Variants in SMARCAD1 observed in about 807,000 individuals in gnomAD.
SMARCAD1 encodes the protein SNF2 related chromatin remodeling ATPase with DExD box 1, also known as SWI/SNF-related matrix-associated actin-dependent regulator of chromatin subfamily A containing DEAD/H box 1.
A neutral mutation model predicts 127.1 loss-of-function variants in SMARCAD1; 25 were observed. The ratio of observed to expected loss-of-function variants is 0.20; its 90% CI spans 0.14 to 0.27. The LOEUF (loss-of-function observed/expected upper bound fraction) is 0.27, where lower values mean the gene tolerates loss of function less well. Among genes scored for constraint, SMARCAD1 ranks in the 10% least tolerant of loss-of-function variants. The pLI is 1.00. For synonymous variants in SMARCAD1, 400 were observed against 396.9 expected (o/e 1.01, Z -0.09); for missense variants, 807 against 1,206.0 (o/e 0.67, Z 4.90).
intron 4 of SMARCAD1, among the ~76,000 whole-genome samples, chr4:94,235,513 TG>T (rs35900615): frequency 0.26 from 39,438 of 151,796 alleles, 6,402 homozygotes; most frequent in Non-Finnish European, 0.36. Flanking sequence ...ATTTTTGACA[TG>T]AATCCACTGG....
At position 94,240,930 on chromosome 4, in the gene SMARCAD1, TATC is replaced by T. The variant is rs761822006; in HGVS notation, c.630_632del (p.Leu210_Ser211delinsPhe). The T allele has an allele frequency of 1.2e-6, 2 of 1,613,502 alleles. No homozygotes were observed. The highest frequency in any genetic ancestry group is 8.5e-7 in the Non-Finnish European group (1 of 1,179,616). On this transcript the variant is annotated inframe_deletion, in exon 6 of 24. Coordinates refer to ENST00000354268, the MANE Select transcript of SMARCAD1 (RefSeq NM_020159.5). The stretch of plus-strand genomic sequence containing the variant: ...GGTGGTGGGCCCAGGAAAAGAAAAT[TATC>T]TTCTTCTTCAGAGCCATATGAGGAA...
intron 4 of SMARCAD1, among the ~76,000 whole-genome samples, chr4:94,236,287 A>G (rs1392816452): frequency 6.6e-6 from 1 of 152,216 alleles, no homozygotes; most frequent in Non-Finnish European, 1.5e-5. Flanking sequence ...GGAAGCTATA[A>G]TAGGAGAAAA....
intron 10 of SMARCAD1, among the ~76,000 whole-genome samples, chr4:94,265,508 C>CAA (rs1005914838): frequency 6.9e-6 from 1 of 145,610 alleles, no homozygotes; most frequent in African/African-American, 2.5e-5. Flanking sequence ...AGAATTCATG[C>CAA]AAAAAAAAAA....
chr4:94,242,368 C>T (rs1747726484), intron 6 of SMARCAD1, among the ~76,000 whole-genome samples: 1 of 152,022 alleles, frequency 6.6e-6, no homozygotes, highest in South Asian at 2.1e-4. Flanking sequence ...AACTTATATT[C>T]TGAGATGTTC....
At chr4:94,265,325 A>G (rs1411907309) in intron 10 of SMARCAD1, among the ~76,000 whole-genome samples, 2 of 152,002 alleles carry the variant, frequency 1.3e-5, no homozygotes, top group East Asian at 1.9e-4. Flanking sequence ...TCATAAATAA[A>G]ATGAAATGAT....
At chr4:94,262,913 A>AAAGAAAG (rs61464369) in intron 9 of SMARCAD1, among the ~76,000 whole-genome samples, 10 of 120,904 alleles carry the variant, frequency 8.3e-5, no homozygotes, top group East Asian at 8.2e-4. Context: ...AAAAAGAAAG[A>AAAGAAAG]AAAGAAATGG....
At chr4:94,245,599 A>G (rs1452980533) in intron 6 of SMARCAD1, among the ~76,000 whole-genome samples, 1 of 152,202 alleles carries the variant, frequency 6.6e-6, no homozygotes, top group African/African-American at 2.4e-5. Context: ...AAAAATTTCC[A>G]TTCATTTTCA....
At chr4:94,221,431 G>T (rs577750662) in intron 2 of SMARCAD1, among the ~76,000 whole-genome samples, 13 of 152,188 alleles carry the variant, frequency 8.5e-5, no homozygotes, top group African/African-American at 2.9e-4. Context: ...GTCAAGTTTG[G>T]GTTTAGTATC....
At chr4:94,224,694 G>A (rs940490108) in intron 2 of SMARCAD1, among the ~76,000 whole-genome samples, 1 of 152,188 alleles carries the variant, frequency 6.6e-6, no homozygotes, top group African/African-American at 2.4e-5. Context: ...ACGATTTAAT[G>A]GAGGTGGCTA....
chr4:94,266,583 T>C (rs1448404476), intron 10 of SMARCAD1, among the ~76,000 whole-genome samples: 1 of 152,102 alleles, frequency 6.6e-6, no homozygotes, highest in Non-Finnish European at 1.5e-5. Flanking sequence ...AGGTAAGAGT[T>C]GCATAAGCAA....
chr4:94,243,336 T>C (rs1747894450), intron 6 of SMARCAD1, among the ~76,000 whole-genome samples: 1 of 152,230 alleles, frequency 6.6e-6, no homozygotes, highest in South Asian at 2.1e-4. Context: ...CTGAGACATC[T>C]GCACATGCAA....
At chr4:94,231,972 A>G (rs1473501491) in intron 3 of SMARCAD1, among the ~76,000 whole-genome samples, 1 of 151,834 alleles carries the variant, frequency 6.6e-6, no homozygotes, top group African/African-American at 2.4e-5. Flanking sequence ...GATGATTCTC[A>G]TGTCTCAGCC....
At chr4:94,208,748 C>T (rs1741680672) in intron 2 of SMARCAD1, among the ~76,000 whole-genome samples, 164 bp downstream of exon 2, 1 of 152,214 alleles carries the variant, frequency 6.6e-6, no homozygotes, top group Non-Finnish European at 1.5e-5. Context: ...CACCATGTAC[C>T]CTCAACTGAG....
At chr4:94,207,817 C>G (rs1308727820), upstream of SMARCAD1, 1 of 303,176 alleles carries the variant, frequency 3.3e-6, no homozygotes, top group Non-Finnish European at 6.5e-6. Flanking sequence ...TCTGAACCTT[C>G]CTGTGTGTTC....
intron 9 of SMARCAD1, 85 bp downstream of exon 9, chr4:94,253,092 A>G: frequency 1.3e-6 from 2 of 1,592,128 alleles, no homozygotes; most frequent in South Asian, 1.1e-5. Context: ...TCTTCAGCCC[A>G]GGTAAGCATA....
intron 2 of SMARCAD1, among the ~76,000 whole-genome samples, chr4:94,214,428 AT>A (rs35699441): frequency 5.7e-4 from 84 of 147,410 alleles, no homozygotes; most frequent in African/African-American, 7.2e-4. Context: ...CGCCGGGCTA[AT>A]TTTTTTTTTT....
chr4:94,275,796 C>CTTTTATTTTATTTTATTTTATTTTTTTT lies in SMARCAD1; in HGVS notation c.1809-539_1809-538insATTTTATTTTATTTTATTTTTTTTTTTT, dbSNP rs1553920714. 3.5e-5 allele frequency among the ~76,000 whole-genome samples: 3 copies of CTTTTATTTTATTTTATTTTATTTTTTTT among 85,412 alleles called. 1 individual carries two copies. Among genetic ancestry groups the CTTTTATTTTATTTTATTTTATTTTTTTT allele is most frequent in the Non-Finnish European group, 5.1e-5 (2 of 39,082 alleles). The allele number at this position is 85,412 out of a possible 152,430, so 56.0% of individuals were successfully genotyped here. A position where few individuals can be genotyped will look rare whatever the true frequency, so the allele number is the denominator to read the frequency against. ...TGTCCGATTGTAACATTAACATTTT[C>CTTTTATTTTATTTTATTTTATTTTTTTT]TTTTTTTTTTTTTTTTTTGAGACGG... On this transcript the variant is annotated intron_variant, in intron 14 of 23. Coordinates refer to ENST00000354268, the MANE Select transcript of SMARCAD1 (RefSeq NM_020159.5).
intron 16 of SMARCAD1, among the ~76,000 whole-genome samples, chr4:94,277,664 T>C (rs1399610820): frequency 6.6e-6 from 1 of 152,182 alleles, no homozygotes; most frequent in Non-Finnish European, 1.5e-5. Context: ...TCTTTATTGT[T>C]TAGGAAAAGT....
chr4:94,283,030 G>T, intron 21 of SMARCAD1, 91 bp from the exon 22 acceptor site: 1 of 1,085,814 alleles, frequency 9.2e-7, no homozygotes. Flanking sequence ...ACATCTTCAG[G>T]TTTCTTTTTC....
Sources: gnomAD v4.1 joint callset for allele counts (sites outside exome capture counted in the v4.1 genomes callset) on GRCh38, gnomAD v4.1.1 for gene constraint, MANE v1.5 for transcripts, NCBI Gene and HGNC (gene_info 2026-07-23, HGNC 2026-07-21) for gene names.